Variants in CSGALNACT1 observed in about 807,000 individuals in gnomAD.
CSGALNACT1 encodes beta4GalNAcT-1.
Under a neutral mutation model 51.0 loss-of-function variants are expected in CSGALNACT1, and 52 were observed. That is an observed-to-expected ratio of 1.02 (90% confidence interval 0.82 to 1.29). CSGALNACT1 has a LOEUF of 1.29. CSGALNACT1 is among the 50% of genes most tolerant of loss of function. CSGALNACT1 has a pLI of 0.00. For synonymous variants in CSGALNACT1, 341 were observed against 254.4 expected (o/e 1.34, Z -3.24); for missense variants, 935 against 679.2 (o/e 1.38, Z -4.19).
In CSGALNACT1 at chr8:19,737,927, T is replaced by C. The variant is rs536696486; in HGVS notation, c.-297+19923A>G. Reference sequence around the variant, plus strand: ...AGTTAATTGTTTAATGGATACAGAGTTTCAGTTTGACAATATTAAAAGAGT... The same window carrying C: ...AGTTAATTGTTTAATGGATACAGAGCTTCAGTTTGACAATATTAAAAGAGT... On this transcript the variant is annotated intron_variant, in intron 1 of 1. Coordinates refer to the CSGALNACT1 transcript ENST00000517494. 9.7e-4 allele frequency among the ~76,000 whole-genome samples: 147 copies of C among 152,198 alleles called. No individual in the cohort carries two copies. The Middle Eastern group carries it at 0.014, about 14-fold the overall frequency.
intron 2 of CSGALNACT1, among the ~76,000 whole-genome samples, chr8:19,594,834 G>C (rs1319164242): frequency 6.6e-6 from 1 of 152,036 alleles, no homozygotes; most frequent in South Asian, 2.1e-4. Context: ...TTATAGGCAT[G>C]AGCCACCACA....
intron 3 of CSGALNACT1, among the ~76,000 whole-genome samples, chr8:19,513,436 C>A (rs9644632): frequency 0.029 from 2,395 of 81,520 alleles, 80 homozygotes; most frequent in Middle Eastern, 0.051. Flanking sequence ...CTCTCTCTCT[C>A]TATATATATA....
In CSGALNACT1 at chr8:19,757,887, C is replaced by G. The variant is rs1659869358; in HGVS notation, c.-334G>C. 1 of 152,430 alleles carries G rather than the reference C, an allele frequency of 6.6e-6. No homozygotes were observed. The highest frequency in any genetic ancestry group is 1.5e-5 in the Non-Finnish European group (1 of 68,290). The allele number at this position is 152,430 out of a possible 1,614,324, so 9.4% of individuals were successfully genotyped here. A position where few individuals can be genotyped will look rare whatever the true frequency, so the allele number is the denominator to read the frequency against. ...GAACCCCTGTAACTCTCACACCGCA[C>G]CACTGTGGGTAAGCGATGTCTGCAG... On this transcript the variant is annotated 5_prime_UTR_variant, in exon 1 of 2. Transcript: ENST00000517494. This position sits in a 1 kb window ranked among gnomAD's most constrained non-coding sequence, Gnocchi z 4.0.
At chr8:19,713,608 G>A (rs1019388068) in intron 1 of CSGALNACT1, among the ~76,000 whole-genome samples, 1 of 152,146 alleles carries the variant, frequency 6.6e-6, no homozygotes, top group Non-Finnish European at 1.5e-5. Context: ...CACACAGAAT[G>A]TCATGTGATG....
intron 4 of CSGALNACT1, among the ~76,000 whole-genome samples, chr8:19,484,941 G>T (rs979837948): frequency 6.6e-6 from 1 of 152,050 alleles, no homozygotes; most frequent in African/African-American, 2.4e-5. Context: ...AGTGAGAGGG[G>T]GTGGTCCTAT....
chr8:19,533,614 C>G (rs1003503755), intron 3 of CSGALNACT1, among the ~76,000 whole-genome samples: 2 of 152,066 alleles, frequency 1.3e-5, no homozygotes, highest in African/African-American at 4.8e-5. Context: ...TTGATCATAT[C>G]TTTTCATGTA....
chr8:19,500,140 G>A (rs1291228085), intron 4 of CSGALNACT1, among the ~76,000 whole-genome samples: 1 of 152,148 alleles, frequency 6.6e-6, no homozygotes, highest in African/African-American at 2.4e-5. Context: ...TATCACACAG[G>A]CCTACTCCAC....
intron 3 of CSGALNACT1, among the ~76,000 whole-genome samples, chr8:19,515,070 C>T (rs2079254975): frequency 6.6e-6 from 1 of 152,078 alleles, no homozygotes; most frequent in South Asian, 2.1e-4. Context: ...GTCCCCAGTG[C>T]CAGGATCATG....
exon 4 of CSGALNACT1, chr8:19,505,422 T>G: frequency 6.2e-7 from 1 of 1,614,196 alleles, no homozygotes; most frequent in Non-Finnish European, 8.5e-7. Flanking sequence ...TGTGGCCAGC[T>G]TGACGCCAGC....
intron 1 of CSGALNACT1, among the ~76,000 whole-genome samples, chr8:19,723,109 C>A (rs931298022): frequency 2.6e-5 from 4 of 152,192 alleles, no homozygotes; most frequent in Non-Finnish European, 5.9e-5. Context: ...TCTCAGATTA[C>A]CCTCAAGCCT....
chr8:19,594,035 A>T (rs143784213), intron 2 of CSGALNACT1, among the ~76,000 whole-genome samples: 1 of 152,296 alleles, frequency 6.6e-6, no homozygotes, highest in Admixed American at 6.5e-5. Context: ...GGAATATGCC[A>T]TGAAGATGGT....
chr8:19,704,780 C>T (rs970177205), intron 1 of CSGALNACT1, among the ~76,000 whole-genome samples: 9 of 152,050 alleles, frequency 5.9e-5, no homozygotes, highest in Non-Finnish European at 8.8e-5. Flanking sequence ...GTAGAAAATC[C>T]TGCCATTTGT....
At chr8:19,496,035 G>A (rs552959234) in intron 4 of CSGALNACT1, among the ~76,000 whole-genome samples, 5 of 152,258 alleles carry the variant, frequency 3.3e-5, no homozygotes, top group South Asian at 2.1e-4. Flanking sequence ...TAATGACCCC[G>A]TATTCCGGCA....
At chr8:19,576,670 A>AC (rs146841781) in intron 3 of CSGALNACT1, among the ~76,000 whole-genome samples, 10,142 of 150,586 alleles carry the variant, frequency 0.067, 1,079 homozygotes, top group African/African-American at 0.23. Flanking sequence ...TATCCAGCAG[A>AC]CCCCCGACAG....
chr8:19,526,185 G>T (rs1417695569), intron 3 of CSGALNACT1, among the ~76,000 whole-genome samples: 2 of 152,184 alleles, frequency 1.3e-5, no homozygotes, highest in Non-Finnish European at 2.9e-5. Flanking sequence ...CTAGGGAAAG[G>T]GACATGGGAT....
At chr8:19,531,515 G>A (rs905326186) in intron 3 of CSGALNACT1, among the ~76,000 whole-genome samples, 2 of 152,106 alleles carry the variant, frequency 1.3e-5, no homozygotes, top group East Asian at 3.9e-4. Context: ...CAATGCAATG[G>A]CATCTCCAAG....
chr8:19,579,829 T>C (rs369899578), intron 3 of CSGALNACT1, among the ~76,000 whole-genome samples: 1 of 152,134 alleles, frequency 6.6e-6, no homozygotes, highest in Admixed American at 6.5e-5. Context: ...ATGGAAAAAC[T>C]TGGATTGCAC....
In CSGALNACT1 at chr8:19,587,721, G is replaced by C. The variant is rs556376174; in HGVS notation, c.-297+3439C>G. On this transcript the variant is annotated intron_variant, in intron 3 of 9. Coordinates refer to ENST00000454498, the Ensembl canonical transcript of CSGALNACT1. ...GCATAGATACTCCTGCATTACAAGA[G>C]AAACTGGTACTCTCCAACCTACGGG... is the stretch of plus-strand genomic sequence containing the variant. 2.3e-4 allele frequency among the ~76,000 whole-genome samples: 35 copies of C among 152,300 alleles called. 2 individuals are homozygous for C. In the South Asian group the frequency reaches 5.6e-3, roughly 24 times the overall value.
At chr8:19,665,139 G>C (rs2059084486) in intron 1 of CSGALNACT1, among the ~76,000 whole-genome samples, 1 of 152,138 alleles carries the variant, frequency 6.6e-6, no homozygotes, top group African/African-American at 2.4e-5. Flanking sequence ...TCAACCTCCT[G>C]AGTAGGTGGG....
Sources: gnomAD v4.1 joint callset for allele counts (sites outside exome capture counted in the v4.1 genomes callset) on GRCh38, gnomAD v4.1.1 for gene constraint, Gnocchi (gnomAD v3.1) non-coding constraint, MANE v1.5 for transcripts, NCBI Gene and HGNC (gene_info 2026-07-23, HGNC 2026-07-21) for gene names.